Variants in ANXA10 observed in about 807,000 individuals in gnomAD.
The protein encoded by ANXA10 is annexin 14.
A neutral mutation model predicts 53.5 loss-of-function variants in ANXA10; 49 were observed. The ratio of observed to expected loss-of-function variants is 0.92; its 90% CI spans 0.73 to 1.16. The LOEUF is 1.16. Among genes scored for constraint, ANXA10 ranks in the 50% most tolerant of loss-of-function variants. The pLI is 0.00. For missense variants in ANXA10, 393 were observed against 394.4 expected, an observed-to-expected ratio of 1.00 and a Z score of 0.03; for synonymous variants, 131 against 128.9, an observed-to-expected ratio of 1.02 and a Z score of -0.11.
intron 10 of ANXA10, among the ~76,000 whole-genome samples, chr4:168,182,793 G>A (rs1264284905): frequency 6.7e-6 from 1 of 149,760 alleles, no homozygotes; most frequent in African/African-American, 2.4e-5. Flanking sequence ...GGTGGATCAC[G>A]AGGTCAGGAG....
chr4:168,116,133 T>C (rs79354552), intron 1 of ANXA10, among the ~76,000 whole-genome samples: 2,211 of 152,256 alleles, frequency 0.015, 52 homozygotes, highest in African/African-American at 0.047. Context: ...AAGTGAATAA[T>C]AGTAATACTT....
intron 11 of ANXA10, among the ~76,000 whole-genome samples, chr4:168,185,324 A>G (rs1417597426): frequency 6.6e-6 from 1 of 152,234 alleles, no homozygotes; most frequent in Non-Finnish European, 1.5e-5. Flanking sequence ...GGAAAAATAT[A>G]TATTGCAAAA....
intron 2 of ANXA10, among the ~76,000 whole-genome samples, chr4:168,137,192 C>G (rs1257840900): frequency 6.6e-6 from 1 of 152,126 alleles, no homozygotes; most frequent in Non-Finnish European, 1.5e-5. Flanking sequence ...GGTCAAGGAG[C>G]CATTTTTTTA....
chr4:168,120,486 A>T (rs1326986388), intron 1 of ANXA10, among the ~76,000 whole-genome samples: 1 of 152,084 alleles, frequency 6.6e-6, no homozygotes, highest in African/African-American at 2.4e-5. Context: ...TGGTTATAAG[A>T]CTTAACTTTA....
At chr4:168,179,369 G>A (rs932899200) in intron 9 of ANXA10, 57 bp downstream of exon 9, 1 of 1,234,088 alleles carries the variant, frequency 8.1e-7, no homozygotes. Context: ...TAAATGCTGA[G>A]TGGCTCTGAT....
At chr4:168,155,822 GATATATGATATATCATATATAATATA>G (rs1560783825) in intron 3 of ANXA10, among the ~76,000 whole-genome samples, 232 of 2,846 alleles carry the variant, frequency 0.082, 27 homozygotes, top group African/African-American at 0.2. Flanking sequence ...TATTATATAT[GATATATGATATATCATATATAATATA>G]ATATATCATA....
At chr4:168,129,782 T>A (rs1363718567) in intron 2 of ANXA10, among the ~76,000 whole-genome samples, 1 of 152,160 alleles carries the variant, frequency 6.6e-6, no homozygotes, top group Non-Finnish European at 1.5e-5. Context: ...AATTTACTCA[T>A]CATCTATAAA....
chr4:168,108,621 T>C (rs1477769160), intron 1 of ANXA10, among the ~76,000 whole-genome samples: 3 of 152,184 alleles, frequency 2.0e-5, no homozygotes, highest in Non-Finnish European at 4.4e-5. Context: ...TCCTACTTTG[T>C]AGCACTTATG....
chr4:168,155,921 ATCATATATTATATGTT>A (rs1731642260), intron 3 of ANXA10, among the ~76,000 whole-genome samples: 2 of 81,092 alleles, frequency 2.5e-5, no homozygotes, highest in South Asian at 3.3e-4. Context: ...TATATTATAT[ATCATATATTATATGTT>A]ATATATAATA....
chr4:168,145,231 A>G (rs1396271591), intron 3 of ANXA10, among the ~76,000 whole-genome samples: 1 of 152,134 alleles, frequency 6.6e-6, no homozygotes, highest in Non-Finnish European at 1.5e-5. Flanking sequence ...CTGATGTAGT[A>G]TTGCTTCCCG....
intron 1 of ANXA10, among the ~76,000 whole-genome samples, chr4:168,115,722 G>A (rs1256359548): frequency 6.6e-6 from 1 of 152,156 alleles, no homozygotes; most frequent in Non-Finnish European, 1.5e-5. Flanking sequence ...CACTAACCGT[G>A]AAGTTAAATT....
intron 7 of ANXA10, 31 bp downstream of exon 7, chr4:168,177,824 A>G: frequency 2.5e-6 from 4 of 1,614,130 alleles, no homozygotes; most frequent in Non-Finnish European, 3.4e-6. Context: ...GACTGACTGC[A>G]AAGAACCTGG....
At chr4:168,101,837 T>C (rs890511717) in intron 1 of ANXA10, among the ~76,000 whole-genome samples, 3 of 152,154 alleles carry the variant, frequency 2.0e-5, no homozygotes, top group African/African-American at 7.2e-5. Context: ...TTCCTACTTA[T>C]CGATTTCTCT....
intron 2 of ANXA10, among the ~76,000 whole-genome samples, chr4:168,128,608 A>T (rs1442092867): frequency 6.6e-6 from 1 of 152,046 alleles, no homozygotes; most frequent in Admixed American, 6.6e-5. Context: ...TGGCCCAATC[A>T]CTTCTCTGCC....
rs747022126 is a variant in ANXA10 at position 168,117,640 on chromosome 4, C to T, written c.19-10444C>T. Among the ~76,000 whole-genome samples, 6 of 152,120 alleles carry T rather than the reference C, an allele frequency of 3.9e-5. No homozygotes were observed. In the East Asian group the frequency reaches 7.7e-4, roughly 20 times the overall value. ...TTTTACCCATAGGCTAGTTGATATA[C>T]GTAAGAGTTATGTTCCTACATCTCT... On this transcript the variant is annotated intron_variant, in intron 1 of 11. Transcript: ENST00000359299.
At chr4:168,140,585 T>C (rs1359725550) in intron 3 of ANXA10, among the ~76,000 whole-genome samples, 1 of 152,154 alleles carries the variant, frequency 6.6e-6, no homozygotes, top group East Asian at 1.9e-4. Flanking sequence ...TAATCTAACA[T>C]TGTTTTAATA....
chr4:168,127,973 C>T (rs1173239183), intron 1 of ANXA10, 111 bp from the exon 2 acceptor site: 7 of 941,018 alleles, frequency 7.4e-6, no homozygotes, highest in Non-Finnish European at 1.2e-5. Context: ...ATCCACCCAC[C>T]TCTGCCTCCC....
At chr4:168,135,951 G>T (rs971660352) in intron 2 of ANXA10, among the ~76,000 whole-genome samples, 2 of 152,148 alleles carry the variant, frequency 1.3e-5, no homozygotes, top group African/African-American at 4.8e-5. Flanking sequence ...CAGGAAGCAT[G>T]GCTGGGGAGA....
chr4:168,113,808 T>G (rs1227803329), intron 1 of ANXA10, among the ~76,000 whole-genome samples: 1 of 152,256 alleles, frequency 6.6e-6, no homozygotes, highest in Non-Finnish European at 1.5e-5. Context: ...GAACACTTAT[T>G]CATGGTGTTG....
Sources: gnomAD v4.1 joint callset for allele counts (sites outside exome capture counted in the v4.1 genomes callset) on GRCh38, gnomAD v4.1.1 for gene constraint, MANE v1.5 for transcripts, NCBI Gene and HGNC (gene_info 2026-07-23, HGNC 2026-07-21) for gene names.